LSM12: variants seen among roughly 807,000 people sequenced by gnomAD.
LSM12 encodes the protein protein LSM12.
For synonymous variants in LSM12, 74 were observed against 87.3 expected (o/e 0.85, Z 0.85); for missense variants, 108 against 238.9 (o/e 0.45, Z 3.61).
intron 2 of LSM12, among the ~76,000 whole-genome samples, chr17:44,045,629 G>A (rs1379450992): frequency 6.6e-6 from 1 of 152,098 alleles, no homozygotes; most frequent in Non-Finnish European, 1.5e-5. Context: ...GGAATGTAAT[G>A]GCACAATCTC....
chr17:44,046,478 CGGAT>C (rs1374572133), intron 2 of LSM12, among the ~76,000 whole-genome samples: 1 of 150,952 alleles, frequency 6.6e-6, no homozygotes, highest in African/African-American at 2.4e-5. Flanking sequence ...GAGGCCGAGG[CGGAT>C]GGATCACGGG....
intron 2 of LSM12, among the ~76,000 whole-genome samples, chr17:44,061,368 A>G (rs1309289109): frequency 6.6e-6 from 1 of 152,160 alleles, no homozygotes; most frequent in African/African-American, 2.4e-5. Context: ...CAAGTCTTAA[A>G]ATTTCATGAG....
chr17:44,064,333 T>C (rs2049840352), intron 1 of LSM12, among the ~76,000 whole-genome samples: 1 of 152,206 alleles, frequency 6.6e-6, no homozygotes. Flanking sequence ...AACTACACAC[T>C]GGAAAGGAAA....
At chr17:44,061,410 T>G (rs565442391) in intron 2 of LSM12, among the ~76,000 whole-genome samples, 2 of 151,768 alleles carry the variant, frequency 1.3e-5, no homozygotes, top group Non-Finnish European at 2.9e-5. Flanking sequence ...GCTCCTATAC[T>G]CTGGTAGAAG....
intron 3 of LSM12, 84 bp from the exon 4 acceptor site, chr17:44,037,622 G>A (rs1365245692): frequency 1.4e-6 from 2 of 1,453,358 alleles, no homozygotes; most frequent in East Asian, 5.1e-5. Context: ...ACTCCAGAAG[G>A]CTGATCCCAA....
chr17:44,043,919 T>C, intron 2 of LSM12, among the ~76,000 whole-genome samples: 1 of 152,096 alleles, frequency 6.6e-6, no homozygotes, highest in African/African-American at 2.4e-5. Context: ...ATAAGCAGGC[T>C]GGAAGATCTC....
intron 2 of LSM12, among the ~76,000 whole-genome samples, chr17:44,057,829 G>A (rs1001051479): frequency 5.3e-5 from 8 of 152,008 alleles, no homozygotes; most frequent in African/African-American, 1.9e-4. Context: ...TACCAAAGAC[G>A]TTAAGTGAGA....
chr17:44,056,252 G>A (rs572870232), intron 2 of LSM12, among the ~76,000 whole-genome samples: 10 of 149,258 alleles, frequency 6.7e-5, no homozygotes, highest in African/African-American at 2.0e-4. Flanking sequence ...CCGAGATCGC[G>A]CCATTGCACT....
intron 3 of LSM12, among the ~76,000 whole-genome samples, chr17:44,038,615 A>T (rs1042355426): frequency 3.9e-5 from 6 of 152,180 alleles, no homozygotes; most frequent in African/African-American, 9.7e-5. Context: ...AGATTGCACC[A>T]TTGGACTCCA....
chr17:44,065,429 G>A (rs1345177619), intron 1 of LSM12, among the ~76,000 whole-genome samples: 13 of 129,096 alleles, frequency 1.0e-4, no homozygotes, highest in African/African-American at 3.7e-4. Context: ...GACAGAGCGA[G>A]ACTCCATCTT....
At chr17:44,047,419 G>C (rs1367294342) in intron 2 of LSM12, among the ~76,000 whole-genome samples, 1 of 151,764 alleles carries the variant, frequency 6.6e-6, no homozygotes, top group Non-Finnish European at 1.5e-5. Flanking sequence ...GCTAATTTTT[G>C]TATTTTTAGT....
intron 4 of LSM12, among the ~76,000 whole-genome samples, chr17:44,036,650 C>T (rs2049418706): frequency 6.6e-6 from 1 of 152,098 alleles, no homozygotes. Flanking sequence ...TATCAAACCT[C>T]CTACATCTAC....
chr17:44,067,119 G>A (rs1222828267), upstream of LSM12, among the ~76,000 whole-genome samples: 1 of 152,118 alleles, frequency 6.6e-6, no homozygotes, highest in Non-Finnish European at 1.5e-5. Flanking sequence ...GGCCAACATG[G>A]TGAAACCCCG....
chr17:44,053,239 T>A (rs541003342), intron 2 of LSM12, among the ~76,000 whole-genome samples: 1 of 152,172 alleles, frequency 6.6e-6, no homozygotes, highest in Non-Finnish European at 1.5e-5. Flanking sequence ...CTTAGATAAG[T>A]TTCATTGGAA....
chr17:44,043,778 G>A (rs2049526355), intron 2 of LSM12, among the ~76,000 whole-genome samples: 1 of 150,878 alleles, frequency 6.6e-6, no homozygotes, highest in Admixed American at 6.6e-5. Flanking sequence ...AGACCAGCCT[G>A]GGCAACATAG....
chr17:44,062,825 C>T (rs992933693), intron 2 of LSM12, among the ~76,000 whole-genome samples: 2 of 151,812 alleles, frequency 1.3e-5, no homozygotes, highest in Non-Finnish European at 2.9e-5. Flanking sequence ...GAGTTCAAGA[C>T]CAGCCTGGGC....
intron 2 of LSM12, among the ~76,000 whole-genome samples, chr17:44,047,551 T>C (rs933335222): frequency 1.3e-5 from 2 of 151,284 alleles, no homozygotes; most frequent in South Asian, 2.1e-4. Context: ...CCAGCCTGGA[T>C]TGTCTTATTA....
At chr17:44,046,535 G>A (rs963032326) in intron 2 of LSM12, among the ~76,000 whole-genome samples, 1 of 150,356 alleles carries the variant, frequency 6.7e-6, no homozygotes, top group East Asian at 2.1e-4. Flanking sequence ...GTGAAACCCC[G>A]TCTCTACTAA....
intron 2 of LSM12, among the ~76,000 whole-genome samples, chr17:44,048,012 G>A (rs920801456): frequency 2.0e-4 from 26 of 128,762 alleles, no homozygotes; most frequent in South Asian, 1.9e-3. Flanking sequence ...GACAGTGTCC[G>A]TATTAAACAC....
Sources: gnomAD v4.1 joint callset for allele counts (sites outside exome capture counted in the v4.1 genomes callset) on GRCh38, gnomAD v4.1.1 for gene constraint, MANE v1.5 for transcripts, NCBI Gene and HGNC (gene_info 2026-07-23, HGNC 2026-07-21) for gene names.